Variants in ELOVL6 observed in about 807,000 individuals in gnomAD.
ELOVL6 encodes the protein very long chain fatty acid elongase 6.
ELOVL6 carries 8 observed loss-of-function variants against 31.7 expected under a neutral mutation model. The ratio of observed to expected loss-of-function variants is 0.25; its 90% CI spans 0.15 to 0.45. ELOVL6 has a LOEUF of 0.45. Ranked by LOEUF, ELOVL6 falls within the 20% of genes least tolerant of loss-of-function variation. The pLI is 1.00. For synonymous variants in ELOVL6, 101 were observed against 117.7 expected (o/e 0.86, Z 0.92); for missense variants, 126 against 326.4 (o/e 0.39, Z 4.73).
intron 1 of ELOVL6, among the ~76,000 whole-genome samples, chr4:110,142,189 G>A (rs1440954995): frequency 2.7e-5 from 4 of 148,556 alleles, no homozygotes; most frequent in African/African-American, 1.0e-4. Context: ...TCCTGCCTCA[G>A]CCTCCCAAGT....
At chr4:110,062,516 AACCAGGTGGTTTTTATCACAACAGT>A (rs1382816733) in intron 2 of ELOVL6, among the ~76,000 whole-genome samples, 1 of 152,176 alleles carries the variant, frequency 6.6e-6, no homozygotes, top group Non-Finnish European at 1.5e-5. Flanking sequence ...CACGCTTTGG[AACCAGGTGGTTTTTATCACAACAGT>A]GTCACATCGT....
At chr4:110,089,651 A>G (rs1169909054) in intron 2 of ELOVL6, among the ~76,000 whole-genome samples, 3 of 152,236 alleles carry the variant, frequency 2.0e-5, no homozygotes, top group Admixed American at 6.5e-5. Flanking sequence ...AGATCAGGAC[A>G]CTAGTTGGCT....
intron 1 of ELOVL6, among the ~76,000 whole-genome samples, chr4:110,192,236 T>A (rs887349005): frequency 6.6e-6 from 1 of 151,588 alleles, no homozygotes; most frequent in Non-Finnish European, 1.5e-5. Context: ...AAAAGAAAGA[T>A]TCTTCTTTCA....
intron 2 of ELOVL6, among the ~76,000 whole-genome samples, chr4:110,062,191 T>C (rs1428074824): frequency 2.0e-5 from 3 of 152,178 alleles, no homozygotes; most frequent in Admixed American, 1.3e-4. Context: ...TTCAGAGCAC[T>C]GTAGAGTTGA....
chr4:110,141,072 GT>G (rs930785243), intron 1 of ELOVL6, among the ~76,000 whole-genome samples: 1 of 150,900 alleles, frequency 6.6e-6, no homozygotes, highest in African/African-American at 2.4e-5. Flanking sequence ...GGTTTTTTTT[GT>G]TTTTTTTGAG....
chr4:110,180,009 G>A (rs1759224173), intron 1 of ELOVL6, among the ~76,000 whole-genome samples: 1 of 152,224 alleles, frequency 6.6e-6, no homozygotes, highest in Non-Finnish European at 1.5e-5. Flanking sequence ...GCTCTGTGGG[G>A]AAGAAATATC....
intron 2 of ELOVL6, among the ~76,000 whole-genome samples, chr4:110,084,584 ATATATTTTTTTTTTT>A (rs1162861589): frequency 1.3e-3 from 71 of 54,884 alleles, no homozygotes; most frequent in East Asian, 6.0e-3. Flanking sequence ...ATATATATAT[ATATATTTTTTTTTTT>A]TTTTTTTTTT....
intron 1 of ELOVL6, among the ~76,000 whole-genome samples, chr4:110,197,449 G>C (rs561775601): frequency 9.2e-5 from 14 of 152,158 alleles, no homozygotes; most frequent in Non-Finnish European, 1.6e-4. Flanking sequence ...CTCTGCAGAC[G>C]GAGGGGCTTT....
At chr4:110,172,762 A>T (rs1758991748) in intron 1 of ELOVL6, among the ~76,000 whole-genome samples, 1 of 152,202 alleles carries the variant, frequency 6.6e-6, no homozygotes, top group African/African-American at 2.4e-5. Context: ...ATTCTTGCTG[A>T]TGTTTTTTAC....
chr4:110,168,874 T>A (rs888315233), intron 1 of ELOVL6, among the ~76,000 whole-genome samples: 5 of 152,174 alleles, frequency 3.3e-5, no homozygotes, highest in African/African-American at 1.2e-4. Context: ...TTAATTAAAT[T>A]AATGTTCATG....
At chr4:110,084,022 T>C (rs1215320545) in intron 2 of ELOVL6, among the ~76,000 whole-genome samples, 1 of 68,534 alleles carries the variant, frequency 1.5e-5, no homozygotes, top group Non-Finnish European at 3.0e-5. Flanking sequence ...GTATATAACA[T>C]ATGCCATATA....
chr4:110,076,560 C>A (rs1442768815), intron 2 of ELOVL6, among the ~76,000 whole-genome samples: 1 of 152,138 alleles, frequency 6.6e-6, no homozygotes, highest in African/African-American at 2.4e-5. Flanking sequence ...AATATATACC[C>A]TCTAGGTTTG....
intron 1 of ELOVL6, among the ~76,000 whole-genome samples, chr4:110,182,153 A>G (rs1759291958): frequency 6.6e-6 from 1 of 152,162 alleles, no homozygotes; most frequent in Non-Finnish European, 1.5e-5. Context: ...GTCCCATTAG[A>G]TACATTCCTG....
At chr4:110,097,192 G>A (rs1756604839) in intron 2 of ELOVL6, among the ~76,000 whole-genome samples, 2 of 151,490 alleles carry the variant, frequency 1.3e-5, no homozygotes, top group Admixed American at 1.3e-4. Flanking sequence ...TGTAATCCCA[G>A]CTACTCAGGA....
intron 2 of ELOVL6, among the ~76,000 whole-genome samples, chr4:110,064,175 T>A (rs1755230315): frequency 6.6e-6 from 1 of 151,904 alleles, no homozygotes; most frequent in Non-Finnish European, 1.5e-5. Context: ...AGCAGAGAGC[T>A]CTGTGGAGGG....
chr4:110,160,097 CACACACACACACACAA>C, intron 1 of ELOVL6, among the ~76,000 whole-genome samples: 1 of 150,430 alleles, frequency 6.6e-6, no homozygotes, highest in African/African-American at 2.4e-5. Flanking sequence ...TTACAACTTA[CACACACACACACACAA>C]ACACACACAC....
intron 1 of ELOVL6, among the ~76,000 whole-genome samples, chr4:110,130,478 G>A (rs945438673): frequency 7.9e-5 from 12 of 152,284 alleles, no homozygotes; most frequent in Admixed American, 4.6e-4. Context: ...CATTCTGGCC[G>A]TAATTATTCT....
At chr4:110,080,800 T>C (rs1578461759) in intron 2 of ELOVL6, among the ~76,000 whole-genome samples, 1 of 152,064 alleles carries the variant, frequency 6.6e-6, no homozygotes, top group Non-Finnish European at 1.5e-5. Context: ...GGAAGTCAAA[T>C]TGTCCCTGTT....
intron 1 of ELOVL6, among the ~76,000 whole-genome samples, chr4:110,176,944 AG>A (rs1759125789): frequency 6.6e-6 from 1 of 152,168 alleles, no homozygotes; most frequent in African/African-American, 2.4e-5. Flanking sequence ...CATGTTGGTC[AG>A]ACTGGTCTCG....
Sources: allele counts gnomAD v4.1 joint callset (sites outside exome capture counted in the v4.1 genomes callset), GRCh38; gene constraint gnomAD v4.1.1; transcripts MANE v1.5; gene names NCBI Gene and HGNC (gene_info 2026-07-23, HGNC 2026-07-21).